Variants in BCAT1 observed in about 807,000 individuals in gnomAD.
BCAT1 encodes branched-chain-amino-acid aminotransferase, cytosolic.
A neutral mutation model predicts 52.4 loss-of-function variants in BCAT1; 48 were observed. That is an observed-to-expected ratio of 0.92 (90% CI 0.73 to 1.16). The LOEUF is 1.16. BCAT1 is among the 50% of genes most tolerant of loss of function. The pLI, the probability that BCAT1 is intolerant of heterozygous loss-of-function variation, is 0.00. For synonymous variants in BCAT1, 167 were observed against 161.3 expected (o/e 1.04, Z -0.27); for missense variants, 451 against 457.1 (o/e 0.99, Z 0.12).
chr12:24,852,291 C>T (rs112968147), intron 5 of BCAT1, among the ~76,000 whole-genome samples: 2 of 152,190 alleles, frequency 1.3e-5, no homozygotes, highest in Admixed American at 6.5e-5. Flanking sequence ...TGGACTAATA[C>T]ACCCTAGTGA....
chr12:24,849,763 G>C (rs755571491), intron 6 of BCAT1, 23 bp downstream of exon 6: 26 of 1,594,882 alleles, frequency 1.6e-5, no homozygotes, highest in Non-Finnish European at 2.1e-5. Flanking sequence ...CTTTCCTTTA[G>C]ACAGAGACAC....
In BCAT1 at chr12:24,849,966, G is replaced by C. The variant is rs1358110016; in HGVS notation, c.511-17C>G. The C allele has an allele frequency of 6.3e-6, 10 of 1,592,440 alleles. No individual in the cohort carries two copies. The highest frequency in any genetic ancestry group is 8.6e-6 in the Non-Finnish European group (10 of 1,165,412). ...AAGAGAAGGCTGCAACAAAGTAGAA[G>C]TACATACAACTGTAACTTAAAATGT... On this transcript the variant is annotated splice_polypyrimidine_tract_variant and intron_variant, in intron 5 of 10. Coordinates refer to ENST00000261192, the MANE Select transcript of BCAT1 (RefSeq NM_005504.7).
intron 4 of BCAT1, among the ~76,000 whole-genome samples, chr12:24,880,486 A>G (rs984272801): frequency 1.3e-5 from 2 of 152,120 alleles, no homozygotes; most frequent in Non-Finnish European, 2.9e-5. Context: ...TCTTACAATG[A>G]TTTCTGCTCC....
At chr12:24,819,925 G>T (rs1940045855) in intron 10 of BCAT1, among the ~76,000 whole-genome samples, 1 of 152,154 alleles carries the variant, frequency 6.6e-6, no homozygotes, top group Non-Finnish European at 1.5e-5. Flanking sequence ...CCTGATTTAT[G>T]TATGATGTCA....
At chr12:24,947,548 C>A (rs1034990924) in intron 1 of BCAT1, among the ~76,000 whole-genome samples, 3 of 152,196 alleles carry the variant, frequency 2.0e-5, no homozygotes, top group Non-Finnish European at 2.9e-5. Flanking sequence ...CTTAATGGAA[C>A]CTTCCATACT....
rs753844015 is a variant in BCAT1 at position 24,869,981 on chromosome 12, GGT to G, written c.510+8547_510+8548del. On this transcript the variant is annotated intron_variant, in intron 5 of 10. Transcript: ENST00000261192. ...GAGATAATGTACAAACACATGTAAG[GGT>G]GTGTGTGTGTGTGTGTATATATGTG... Among the ~76,000 whole-genome samples the G allele has an allele frequency of 4.9e-3, 722 of 148,780 alleles. 2 individuals are homozygous for G. Among genetic ancestry groups the G allele is most frequent in the Middle Eastern group, 0.01 (3 of 286 alleles).
chr12:24,888,538 AGGTCAT>A (rs1222343277), intron 3 of BCAT1, among the ~76,000 whole-genome samples: 1 of 152,218 alleles, frequency 6.6e-6, no homozygotes, highest in East Asian at 1.9e-4. Flanking sequence ...TTTGAGAGCA[AGGTCAT>A]GGTTGGTTTG....
At chr12:24,909,768 C>A (rs1465314747) in intron 1 of BCAT1, among the ~76,000 whole-genome samples, 1 of 152,210 alleles carries the variant, frequency 6.6e-6, no homozygotes, top group Non-Finnish European at 1.5e-5. Context: ...TAAGCATATA[C>A]ACTAACTGGC....
At chr12:24,831,900 A>C (rs2139380720) in intron 9 of BCAT1, among the ~76,000 whole-genome samples, 1 of 150,512 alleles carries the variant, frequency 6.6e-6, no homozygotes, top group African/African-American at 2.4e-5. Context: ...GCACATATAA[A>C]ATCAGACTAA....
chr12:24,881,360 A>G lies in BCAT1; in HGVS notation c.331T>C (p.Phe111Leu). The change falls in exon 4 of 11, where the codon TTT (phenylalanine) becomes CTT (leucine). Residue 111 changes from phenylalanine to leucine, a missense_variant. Physicochemically the swap from Phe to Leu is conservative, Grantham distance 22. Transcript: ENST00000261192. ...FRGVDNKIRL[F>L]QPNLNMDRMY... ...CTATCCATGTTGAGGTTTGGCTGAA[A>G]CAGTCGAATTTTATTATCTACTCCT... is the stretch of plus-strand genomic sequence containing the variant. The G allele has an allele frequency of 6.2e-7, 1 of 1,613,592 alleles. No individual in the cohort carries two copies. Among genetic ancestry groups the G allele is most frequent in the Non-Finnish European group, 8.5e-7 (1 of 1,179,534 alleles).
In BCAT1 at chr12:24,811,941, C is replaced by A. The variant is rs1000353527; in HGVS notation, c.*6067G>T. On this transcript the variant is annotated 3_prime_UTR_variant, in exon 11 of 11. Transcript: ENST00000261192. ...TTATTTTTCCTCAGCCACAAGTAAG[C>A]GCAAATCCTTAAAAACAGTGGGTTG... The A allele has an allele frequency of 6.6e-6, 1 of 152,086 alleles. No individual in the cohort carries two copies. Among genetic ancestry groups the A allele is most frequent in the African/African-American group, 2.4e-5 (1 of 41,428 alleles). 9.4% of individuals were successfully genotyped at this position (152,086 alleles called of 1,614,324 possible).
chr12:24,851,569 G>T (rs1345665119), intron 5 of BCAT1, among the ~76,000 whole-genome samples: 3 of 152,196 alleles, frequency 2.0e-5, no homozygotes, highest in Non-Finnish European at 4.4e-5. Flanking sequence ...CGACCAAAGG[G>T]CCTGGGTGGC....
At chr12:24,819,799 T>C (rs1265583467) in intron 10 of BCAT1, among the ~76,000 whole-genome samples, 1 of 152,164 alleles carries the variant, frequency 6.6e-6, no homozygotes, top group Admixed American at 6.5e-5. Context: ...GGAAGCCAAA[T>C]GACTGTAAGT....
intron 1 of BCAT1, among the ~76,000 whole-genome samples, chr12:24,915,922 C>T (rs1001960018): frequency 6.6e-6 from 1 of 152,174 alleles, no homozygotes; most frequent in Admixed American, 6.5e-5. Context: ...CTTTGGGAGG[C>T]TGAGGTGGGT....
chr12:24,906,813 G>A (rs1195620714), intron 1 of BCAT1, among the ~76,000 whole-genome samples: 1 of 152,084 alleles, frequency 6.6e-6, no homozygotes, highest in East Asian at 1.9e-4. Flanking sequence ...ATCCATTCTT[G>A]CTCCAAATAC....
intron 5 of BCAT1, among the ~76,000 whole-genome samples, chr12:24,850,407 C>T (rs1222822059): frequency 6.6e-6 from 1 of 152,192 alleles, no homozygotes; most frequent in African/African-American, 2.4e-5. Context: ...ATGGCAGGGT[C>T]TTCAGCAGGT....
At chr12:24,931,580 C>G (rs1238232014) in intron 1 of BCAT1, among the ~76,000 whole-genome samples, 1 of 152,108 alleles carries the variant, frequency 6.6e-6, no homozygotes, top group Non-Finnish European at 1.5e-5. Context: ...AAATACGAGC[C>G]CCTTTGGACT....
At position 24,829,913 on chromosome 12, in the gene BCAT1, A is replaced by G; in HGVS notation, c.1045-16T>C. 1 of 1,581,370 alleles carries G rather than the reference A, an allele frequency of 6.3e-7. No individual in the cohort carries two copies. The highest frequency in any genetic ancestry group is 8.6e-7 in the Non-Finnish European group (1 of 1,158,246). ...TGTGTATTGTCTACAAAAGAAAGGGAAATGAGATAATTTGAGGGTACTCAT... is the reference window on the plus strand; with the variant it reads ...TGTGTATTGTCTACAAAAGAAAGGGGAATGAGATAATTTGAGGGTACTCAT... On this transcript the variant is annotated splice_polypyrimidine_tract_variant and intron_variant, in intron 9 of 10. Coordinates refer to ENST00000261192, the MANE Select transcript of BCAT1 (RefSeq NM_005504.7).
chr12:24,872,364 C>A (rs1942204914), intron 5 of BCAT1, among the ~76,000 whole-genome samples: 1 of 152,176 alleles, frequency 6.6e-6, no homozygotes, highest in Admixed American at 6.5e-5. Flanking sequence ...TGCCCACTCA[C>A]AAAATGGCAG....
Sources: allele counts gnomAD v4.1 joint callset (sites outside exome capture counted in the v4.1 genomes callset), GRCh38; gene constraint gnomAD v4.1.1; transcripts MANE v1.5; gene names NCBI Gene and HGNC (gene_info 2026-07-23, HGNC 2026-07-21).